Variants in GPR158 observed in about 807,000 individuals in gnomAD.
GPR158 encodes the protein G protein-coupled receptor 158, also known as metabotropic glycine receptor.
In GPR158, 30 loss-of-function variants were observed where a neutral mutation model predicts 78.2. That is an observed-to-expected ratio of 0.38 (90% confidence interval 0.29 to 0.52). GPR158 has a LOEUF of 0.52. GPR158 is among the 20% of genes least tolerant of loss of function. GPR158 has a pLI of 0.83. For missense variants in GPR158, 1,463 were observed against 1,523.5 expected (o/e 0.96, Z 0.66); for synonymous variants, 581 against 591.1 (o/e 0.98, Z 0.25).
chr10:25,307,097 T>C (rs1354800730), intron 2 of GPR158, among the ~76,000 whole-genome samples: 1 of 152,016 alleles, frequency 6.6e-6, no homozygotes, highest in Non-Finnish European at 1.5e-5. Context: ...TTTCTGATGA[T>C]CTCACCTACC....
In GPR158 at chr10:25,599,323, G is replaced by A; in HGVS notation, c.*49G>A. On this transcript the variant is annotated 3_prime_UTR_variant, in exon 11 of 11. Coordinates refer to ENST00000376351, the MANE Select transcript of GPR158 (RefSeq NM_020752.3). ...GGAGGGAACCCCGGATTGGATATGA[G>A]ACAGAAGATATAAGAATCAAATATT... 1 of 1,303,034 alleles carries A rather than the reference G, an allele frequency of 7.7e-7. No homozygotes were observed. The highest frequency in any genetic ancestry group is 1.3e-5 in the South Asian group (1 of 76,194). 80.7% of individuals were successfully genotyped at this position (1,303,034 alleles called of 1,614,324 possible). A position where few individuals can be genotyped will look rare whatever the true frequency, so the allele number is the denominator to read the frequency against.
chr10:25,463,690 T>C (rs978865713), intron 4 of GPR158, among the ~76,000 whole-genome samples: 3 of 152,076 alleles, frequency 2.0e-5, no homozygotes, highest in African/African-American at 4.8e-5. Context: ...GTCTCTCTCA[T>C]CCATCTTCAA....
chr10:25,349,900 G>A (rs879589640), intron 2 of GPR158, among the ~76,000 whole-genome samples: 5,073 of 137,278 alleles, frequency 0.037, 569 homozygotes, highest in African/African-American at 0.14. Context: ...CTTTTCTGGT[G>A]AGACTAAAGG....
At chr10:25,524,211 G>C (rs1564479470) in intron 5 of GPR158, among the ~76,000 whole-genome samples, 1 of 152,206 alleles carries the variant, frequency 6.6e-6, no homozygotes, top group East Asian at 1.9e-4. Flanking sequence ...TAGGTTAGCA[G>C]TACTCCCCAG....
chr10:25,216,152 C>T (rs2130676287), intron 1 of GPR158, among the ~76,000 whole-genome samples: 1 of 152,278 alleles, frequency 6.6e-6, no homozygotes, highest in Non-Finnish European at 1.5e-5. Context: ...TTTATTATGG[C>T]AGCAGTCCGT....
intron 5 of GPR158, among the ~76,000 whole-genome samples, chr10:25,546,118 G>A (rs1428377918): frequency 2.0e-5 from 3 of 152,142 alleles, no homozygotes; most frequent in Non-Finnish European, 4.4e-5. Flanking sequence ...TGACCACTGT[G>A]TCTTGTTAGC....
At chr10:25,431,844 C>G (rs1377765519) in intron 4 of GPR158, among the ~76,000 whole-genome samples, 1 of 152,050 alleles carries the variant, frequency 6.6e-6, no homozygotes, top group Non-Finnish European at 1.5e-5. Context: ...GAACATCACA[C>G]TCTGGGGACT....
At chr10:25,285,992 T>G (rs1854346499) in intron 2 of GPR158, among the ~76,000 whole-genome samples, 1 of 152,240 alleles carries the variant, frequency 6.6e-6, no homozygotes, top group Admixed American at 6.5e-5. Flanking sequence ...ATTGGAAGTC[T>G]ACTGTAATTC....
chr10:25,317,716 G>GTTTTGTTTTTTTTTTTTTTTTTTTT (rs1554793351), intron 2 of GPR158, among the ~76,000 whole-genome samples: 2 of 134,064 alleles, frequency 1.5e-5, no homozygotes, highest in African/African-American at 3.2e-5. Flanking sequence ...TTCGTAAAGT[G>GTTTTGTTTTTTTTTTTTTTTTTTTT]TTTTTTTTTG....
At chr10:25,193,501 C>T (rs1852803785) in intron 1 of GPR158, among the ~76,000 whole-genome samples, 1 of 152,144 alleles carries the variant, frequency 6.6e-6, no homozygotes, top group Non-Finnish European at 1.5e-5. Flanking sequence ...GCCAGTGTTG[C>T]TGGAATGTAG....
intron 2 of GPR158, among the ~76,000 whole-genome samples, chr10:25,279,985 ATAT>A (rs892456899): frequency 1.6e-3 from 247 of 152,148 alleles, no homozygotes; most frequent in African/African-American, 5.7e-3. Context: ...AAAAAAGAAA[ATAT>A]TATAACTACT....
intron 5 of GPR158, among the ~76,000 whole-genome samples, chr10:25,478,540 AAG>A (rs1835620684): frequency 6.6e-6 from 1 of 150,858 alleles, no homozygotes; most frequent in Non-Finnish European, 1.5e-5. Context: ...AGAGAAGAGA[AAG>A]AAATGGATGG....
chr10:25,417,705 A>G (rs1236999256), intron 4 of GPR158, among the ~76,000 whole-genome samples: 1 of 152,176 alleles, frequency 6.6e-6, no homozygotes, highest in African/African-American at 2.4e-5. Flanking sequence ...ATAGAATGCC[A>G]TGTGCTAATG....
intron 4 of GPR158, among the ~76,000 whole-genome samples, chr10:25,455,278 A>AC (rs1835275497): frequency 6.6e-6 from 1 of 152,178 alleles, no homozygotes; most frequent in Admixed American, 6.5e-5. Flanking sequence ...GTTTGGAGTT[A>AC]TTAGTTTAGA....
intron 1 of GPR158, among the ~76,000 whole-genome samples, chr10:25,177,853 A>T (rs1478621319): frequency 6.6e-6 from 1 of 152,188 alleles, no homozygotes; most frequent in Admixed American, 6.5e-5. Context: ...TCTTGTCTTA[A>T]ACCAGACTAA....
intron 5 of GPR158, among the ~76,000 whole-genome samples, chr10:25,499,253 C>T (rs1228908267): frequency 6.6e-6 from 1 of 152,284 alleles, no homozygotes; most frequent in South Asian, 2.1e-4. Flanking sequence ...GGAAGAATTT[C>T]ATTATGATTC....
intron 4 of GPR158, among the ~76,000 whole-genome samples, chr10:25,431,084 A>C (rs1292415070): frequency 4.6e-4 from 65 of 141,532 alleles, no homozygotes; most frequent in African/African-American, 1.4e-3. Flanking sequence ...CAACCTACTA[A>C]ATGGGAGAAA....
intron 8 of GPR158, among the ~76,000 whole-genome samples, chr10:25,589,606 A>G (rs937062673): frequency 1.3e-5 from 2 of 152,208 alleles, no homozygotes; most frequent in African/African-American, 4.8e-5. Flanking sequence ...CAAAACACAA[A>G]AACTACTTCA....
chr10:25,295,523 C>T (rs1813191313), intron 2 of GPR158, among the ~76,000 whole-genome samples: 1 of 152,146 alleles, frequency 6.6e-6, no homozygotes, highest in Non-Finnish European at 1.5e-5. Context: ...ACGCCATTCT[C>T]CTGCCTCAGC....
Sources: allele counts gnomAD v4.1 joint callset (sites outside exome capture counted in the v4.1 genomes callset), GRCh38; gene constraint gnomAD v4.1.1; transcripts MANE v1.5; gene names NCBI Gene and HGNC (gene_info 2026-07-23, HGNC 2026-07-21).